Variants in SLC24A4 observed in about 807,000 individuals in gnomAD.
SLC24A4 encodes the protein solute carrier family 24 member 4.
SLC24A4 carries 53 observed loss-of-function variants against 79.0 expected under a neutral mutation model. The observed-to-expected ratio is 0.67, with a 90% CI of 0.54 to 0.84. The LOEUF (loss-of-function observed/expected upper bound fraction) is 0.84. Among genes scored for constraint, SLC24A4 ranks in the 40% least tolerant of loss-of-function variants. SLC24A4 has a pLI of 0.00. For synonymous variants in SLC24A4, 323 were observed against 323.8 expected, an observed-to-expected ratio of 1.00 and a Z score of 0.03; for missense variants, 731 against 822.0, an observed-to-expected ratio of 0.89 and a Z score of 1.35.
At position 92,441,322 on chromosome 14, in the gene SLC24A4, G is replaced by A. The variant is rs1892477101; in HGVS notation, c.394-767G>A. 6.6e-6 allele frequency among the ~76,000 whole-genome samples: 1 copy of A among 152,166 alleles called. No individual in the cohort carries two copies. On this transcript the variant is annotated intron_variant, in intron 4 of 16. Transcript: ENST00000532405. This position sits in a 1 kb window ranked among gnomAD's most constrained non-coding sequence, Gnocchi z 4.6. The stretch of plus-strand genomic sequence containing the variant: ...TCCAAAGCCTCCAGCGCTGCATTTC[G>A]GATCAGAGGATGGGCTCTGTGGCCA...
chr14:92,484,231 G>C, intron 13 of SLC24A4: 2 of 984,982 alleles, frequency 2.0e-6, no homozygotes, highest in Non-Finnish European at 2.4e-6. Flanking sequence ...GAGCCATTTT[G>C]CCTATGCTTT....
At chr14:92,475,960 T>G (rs570576936) in intron 12 of SLC24A4, among the ~76,000 whole-genome samples, 1 of 152,226 alleles carries the variant, frequency 6.6e-6, no homozygotes, top group East Asian at 1.9e-4. Context: ...CACTGTTTCT[T>G]AGGAAACAAT....
rs180988654 is a variant in SLC24A4, at chr14:92,447,738, C to G, written c.737+314C>G. 3.0e-3 allele frequency among the ~76,000 whole-genome samples: 459 copies of G among 152,316 alleles called. 2 individuals carry two copies. Among genetic ancestry groups the G allele is most frequent in the Admixed American group, 5.4e-3 (82 of 15,300 alleles). On this transcript the variant is annotated intron_variant, in intron 9 of 16. Transcript: ENST00000532405. ...CTGCTCTGGGCAGCTTCTCCATGCC[C>G]CAGGGTAACCACTCACTTGTGCTGT...
intron 2 of SLC24A4, among the ~76,000 whole-genome samples, chr14:92,369,160 G>A (rs926297949): frequency 2.6e-5 from 4 of 152,148 alleles, no homozygotes; most frequent in African/African-American, 9.7e-5. Flanking sequence ...TTGAAACCAA[G>A]TGGTCAAAAC....
At chr14:92,417,968 C>T (rs959714775) in intron 2 of SLC24A4, among the ~76,000 whole-genome samples, 1 of 152,216 alleles carries the variant, frequency 6.6e-6, no homozygotes, top group Non-Finnish European at 1.5e-5. Context: ...CACACGACTA[C>T]AGTTGCTCAA....
chr14:92,488,754 G>T (rs1227335733), intron 14 of SLC24A4, among the ~76,000 whole-genome samples: 1 of 152,250 alleles, frequency 6.6e-6, no homozygotes, highest in African/African-American at 2.4e-5. Context: ...CATGAACTTG[G>T]TGGGATTCAG....
chr14:92,393,222 G>A (rs2141741800), intron 2 of SLC24A4, among the ~76,000 whole-genome samples: 1 of 152,356 alleles, frequency 6.6e-6, no homozygotes, highest in South Asian at 2.1e-4. Flanking sequence ...CCCAGCCTAA[G>A]GTATTTGGTT....
At chr14:92,325,754 C>A in intron 1 of SLC24A4, 114 bp from the exon 2 acceptor site, 1 of 638,556 alleles carries the variant, frequency 1.6e-6, no homozygotes, top group Non-Finnish European at 2.8e-6. Context: ...CTAAAGATGG[C>A]TCTGAATAGG....
At chr14:92,418,361 A>T (rs1251174766) in intron 2 of SLC24A4, among the ~76,000 whole-genome samples, 1 of 152,136 alleles carries the variant, frequency 6.6e-6, no homozygotes, top group Non-Finnish European at 1.5e-5. Flanking sequence ...ATCTTGGGGC[A>T]GCTGTGGCTC....
At chr14:92,322,910 C>T (rs1884870798), upstream of SLC24A4, among the ~76,000 whole-genome samples, 3 of 152,136 alleles carry the variant, frequency 2.0e-5, no homozygotes, top group African/African-American at 7.2e-5. Flanking sequence ...GTGCCATAAC[C>T]TGTTTCTCTC....
intron 2 of SLC24A4, among the ~76,000 whole-genome samples, chr14:92,417,404 A>G (rs1238122561): frequency 1.3e-5 from 2 of 152,240 alleles, no homozygotes; most frequent in Non-Finnish European, 2.9e-5. Context: ...GGGCTGTAGA[A>G]TGGTCTTGTG....
chr14:92,487,175 C>G (rs1895415603), intron 14 of SLC24A4, among the ~76,000 whole-genome samples: 1 of 152,238 alleles, frequency 6.6e-6, no homozygotes, highest in African/African-American at 2.4e-5. Context: ...CATTCTTCTT[C>G]TGACCTCTAG....
rs36185636 is a variant in SLC24A4 at position 92,474,863 on chromosome 14, A to ATATATATATTTTT, written c.1256-7816_1256-7815insATATATATTTTTT. 3.5e-5 allele frequency among the ~76,000 whole-genome samples: 2 copies of ATATATATATTTTT among 57,124 alleles called. 1 individual carries two copies. The highest frequency in any genetic ancestry group is 1.1e-3 in the South Asian group (2 of 1,742). 37.5% of individuals were successfully genotyped at this position (57,124 alleles called of 152,430 possible). On this transcript the variant is annotated intron_variant, in intron 12 of 16. Coordinates refer to ENST00000532405, the MANE Select transcript of SLC24A4 (RefSeq NM_153646.4). ...TGTGTGTATATATATATATATATAT[A>ATATATATATTTTT]TTTTTTTTTTTTTTAGTAGACACAG... is the stretch of plus-strand genomic sequence containing the variant.
chr14:92,346,950 G>A (rs890538368), intron 2 of SLC24A4, among the ~76,000 whole-genome samples: 3 of 152,142 alleles, frequency 2.0e-5, no homozygotes, highest in Non-Finnish European at 2.9e-5. Flanking sequence ...TGTGCTATGG[G>A]GCTGGGGTAA....
intron 2 of SLC24A4, among the ~76,000 whole-genome samples, chr14:92,404,006 T>G (rs894201954): frequency 1.3e-5 from 2 of 152,198 alleles, no homozygotes; most frequent in Non-Finnish European, 1.5e-5. Context: ...AAGAATTGCA[T>G]TTTTAGAGAA....
intron 2 of SLC24A4, among the ~76,000 whole-genome samples, chr14:92,343,257 C>T (rs1048953172): frequency 1.3e-5 from 2 of 152,224 alleles, no homozygotes; most frequent in Non-Finnish European, 2.9e-5. Context: ...TGTTCATTCG[C>T]CTCCTTTTCC....
In SLC24A4 at chr14:92,391,337, T is replaced by A. The variant is rs150172846; in HGVS notation, c.242-42575T>A. 8.5e-3 allele frequency among the ~76,000 whole-genome samples: 1,295 copies of A among 152,320 alleles called. 13 individuals are homozygous for A. The highest frequency in any genetic ancestry group is 0.024 in the Middle Eastern group (7 of 294). Reference sequence around the variant, plus strand: ...TTCCTTGGATTGGATCTCCAGGTTTTGTGTGTCCCAGCCCAACCCTTGTGC... The same window carrying A: ...TTCCTTGGATTGGATCTCCAGGTTTAGTGTGTCCCAGCCCAACCCTTGTGC... On this transcript the variant is annotated intron_variant, in intron 2 of 16. Transcript: ENST00000532405.
intron 2 of SLC24A4, among the ~76,000 whole-genome samples, chr14:92,328,447 G>A (rs1885277558): frequency 6.6e-6 from 1 of 152,258 alleles, no homozygotes; most frequent in Non-Finnish European, 1.5e-5. Flanking sequence ...AGGAGGATGC[G>A]CTGGCCCGGT....
chr14:92,417,375 A>G (rs940975403), intron 2 of SLC24A4, among the ~76,000 whole-genome samples: 1 of 152,244 alleles, frequency 6.6e-6, no homozygotes, highest in Admixed American at 6.5e-5. Flanking sequence ...ATAGAATAAG[A>G]ACATAAAATA....
Sources: allele counts gnomAD v4.1 joint callset (sites outside exome capture counted in the v4.1 genomes callset), GRCh38; gene constraint gnomAD v4.1.1; non-coding constraint Gnocchi (gnomAD v3.1); transcripts MANE v1.5; gene names NCBI Gene and HGNC (gene_info 2026-07-23, HGNC 2026-07-21).